The following MINDY4 variants were observed in gnomAD, a reference collection of about 807,000 sequenced individuals.
MINDY4 encodes the protein MINDY lysine 48 deubiquitinase 4.
In MINDY4, 68 loss-of-function variants were observed where a neutral mutation model predicts 87.0. The ratio of observed to expected loss-of-function variants is 0.78; its 90% CI spans 0.64 to 0.96. MINDY4 has a LOEUF of 0.96. Among genes scored for constraint, MINDY4 ranks in the 40% least tolerant of loss-of-function variants. The probability of loss-of-function intolerance (pLI) is 0.00; values close to 1 mark genes in which losing one functional copy is unlikely to be tolerated. For synonymous variants in MINDY4, 379 were observed against 363.2 expected, an observed-to-expected ratio of 1.04 and a Z score of -0.50; for missense variants, 919 against 928.2, an observed-to-expected ratio of 0.99 and a Z score of 0.13.
chr7:30,851,343 C>T (rs1460207194), intron 10 of MINDY4, among the ~76,000 whole-genome samples: 1 of 152,188 alleles, frequency 6.6e-6, no homozygotes, highest in East Asian at 1.9e-4. Flanking sequence ...GCTCTGTTTA[C>T]TCATCTGGAA....
chr7:30,847,863 C>G (rs1327537464), intron 9 of MINDY4, among the ~76,000 whole-genome samples: 1 of 152,186 alleles, frequency 6.6e-6, no homozygotes, highest in African/African-American at 2.4e-5. Context: ...CCTCAGCCTC[C>G]TGAGTATCTG....
intron 5 of MINDY4, among the ~76,000 whole-genome samples, chr7:30,820,293 A>C (rs1446495332): frequency 6.6e-6 from 1 of 151,914 alleles, no homozygotes; most frequent in African/African-American, 2.4e-5. Flanking sequence ...GATTTACTTG[A>C]ATTTATTTGT....
chr7:30,846,611 C>T (rs1172078173), intron 9 of MINDY4, among the ~76,000 whole-genome samples: 12 of 152,116 alleles, frequency 7.9e-5, no homozygotes, highest in East Asian at 1.9e-4. Context: ...GTGATTCAGA[C>T]GCAGGACCTT....
chr7:30,837,671 G>A (rs1353217849), intron 7 of MINDY4, among the ~76,000 whole-genome samples: 2 of 152,156 alleles, frequency 1.3e-5, no homozygotes, highest in African/African-American at 2.4e-5. Context: ...TTTGCAGAGC[G>A]CACTTATGCT....
chr7:30,879,168 A>G (rs547756237), intron 15 of MINDY4, among the ~76,000 whole-genome samples: 3 of 152,226 alleles, frequency 2.0e-5, no homozygotes, highest in Non-Finnish European at 4.4e-5. Flanking sequence ...ATGTATTAAT[A>G]ACTGTATTTG....
chr7:30,854,757 C>T (rs73076211), intron 12 of MINDY4, among the ~76,000 whole-genome samples: 2,793 of 152,320 alleles, frequency 0.018, 52 homozygotes, highest in South Asian at 0.085. Context: ...GGGCACAGCC[C>T]TGGGAAATGA....
intron 10 of MINDY4, 133 bp downstream of exon 10, chr7:30,850,688 A>C (rs1789388467): frequency 5.0e-6 from 4 of 797,280 alleles, no homozygotes; most frequent in Admixed American, 2.1e-5. Flanking sequence ...TGAGCCCTGC[A>C]AGCCAGCCTG....
At chr7:30,799,157 T>A (rs1222728275) in intron 5 of MINDY4, among the ~76,000 whole-genome samples, 2 of 152,118 alleles carry the variant, frequency 1.3e-5, no homozygotes, top group South Asian at 4.1e-4. Context: ...CTCCTGTCTG[T>A]AAATGAAGGG....
intron 5 of MINDY4, among the ~76,000 whole-genome samples, chr7:30,826,811 G>C (rs1460511370): frequency 2.6e-5 from 4 of 152,222 alleles, no homozygotes; most frequent in Non-Finnish European, 5.9e-5. Flanking sequence ...CTGAGAAGCA[G>C]ATGACTTTTG....
chr7:30,869,799 C>G (rs1383707722), intron 13 of MINDY4, among the ~76,000 whole-genome samples: 2 of 152,176 alleles, frequency 1.3e-5, no homozygotes, highest in African/African-American at 4.8e-5. Flanking sequence ...TTACACCTCT[C>G]ATCTTCTCCA....
intron 6 of MINDY4, among the ~76,000 whole-genome samples, chr7:30,832,667 A>G (rs28690365): frequency 0.36 from 54,606 of 151,910 alleles, 12,372 homozygotes; most frequent in African/African-American, 0.63. Flanking sequence ...GTGCCACCAC[A>G]CCTGGCTAAT....
At chr7:30,809,376 G>GA (rs57725704) in intron 5 of MINDY4, among the ~76,000 whole-genome samples, 310 of 86,656 alleles carry the variant, frequency 3.6e-3, no homozygotes, top group African/African-American at 7.2e-3. Flanking sequence ...GTATCCTAAG[G>GA]AAAAAAAAAA....
chr7:30,821,137 T>C (rs547682610), intron 5 of MINDY4, among the ~76,000 whole-genome samples: 15 of 152,190 alleles, frequency 9.9e-5, no homozygotes, highest in Non-Finnish European at 1.9e-4. Context: ...CTCCTGTTTA[T>C]TATGTCTGGT....
At chr7:30,855,308 A>AATGCAGT (rs1476419060) in intron 12 of MINDY4, among the ~76,000 whole-genome samples, 1 of 152,230 alleles carries the variant, frequency 6.6e-6, no homozygotes, top group African/African-American at 2.4e-5. Context: ...GTGTCTTCCA[A>AATGCAGT]ATGCAGTACT....
Position 30,852,216 on chromosome 7 carries a change from G to C in MINDY4, c.1548G>C (p.Leu516=), listed in dbSNP as rs1465849940. The C allele has an allele frequency of 1.2e-6, 2 of 1,613,960 alleles. No homozygotes were observed. Among genetic ancestry groups the C allele is most frequent in the Non-Finnish European group, 8.5e-7 (1 of 1,179,966 alleles). The part of the protein sequence containing the change: ...AGGRERAVVA[L]ASRTQQFSPT... ...TCATGCACCTTCCTTTCCTTTTTAG[G>C]GCTTCGAGAACACAGCAGTTCAGTC... Residue 516 remains leucine, a splice_region_variant and synonymous_variant, in exon 11 of 18, where the codon CTG becomes CTC. Transcript: ENST00000265299.
chr7:30,797,811 AACT>A (rs1787536405), intron 5 of MINDY4, among the ~76,000 whole-genome samples: 1 of 152,190 alleles, frequency 6.6e-6, no homozygotes, highest in Non-Finnish European at 1.5e-5. Context: ...CCAGTTAGGC[AACT>A]GCAGTAGTAG....
chr7:30,790,823 G>A (rs1440565191), intron 4 of MINDY4, among the ~76,000 whole-genome samples: 2 of 152,192 alleles, frequency 1.3e-5, no homozygotes, highest in African/African-American at 4.8e-5. Flanking sequence ...GGACAGAGAA[G>A]TTAAGCAGCT....
At chr7:30,891,193 A>G (rs1790783580) in intron 17 of MINDY4, among the ~76,000 whole-genome samples, 1 of 152,186 alleles carries the variant, frequency 6.6e-6, no homozygotes, top group Non-Finnish European at 1.5e-5. Flanking sequence ...TATATGTATA[A>G]TATACCTAGT....
chr7:30,812,476 A>C (rs1335495157), intron 5 of MINDY4, among the ~76,000 whole-genome samples: 1 of 152,168 alleles, frequency 6.6e-6, no homozygotes, highest in Non-Finnish European at 1.5e-5. Flanking sequence ...AATAGGATCT[A>C]TCTCTTATCT....
Sources: allele counts gnomAD v4.1 joint callset (sites outside exome capture counted in the v4.1 genomes callset), GRCh38; gene constraint gnomAD v4.1.1; transcripts MANE v1.5; gene names NCBI Gene and HGNC (gene_info 2026-07-23, HGNC 2026-07-21).